The following RIMKLB variants were observed in gnomAD, a reference collection of about 807,000 sequenced individuals.
The protein encoded by RIMKLB is beta-citrylglutamate synthase B.
A neutral mutation model predicts 32.0 loss-of-function variants in RIMKLB; 7 were observed. The ratio of observed to expected loss-of-function variants is 0.22; its 90% confidence interval spans 0.12 to 0.41. RIMKLB has a LOEUF of 0.41. Ranked by LOEUF, RIMKLB falls within the 10% of genes least tolerant of loss-of-function variation. RIMKLB has a pLI of 1.00. For missense variants in RIMKLB, 289 were observed against 498.7 expected, an observed-to-expected ratio of 0.58 and a Z score of 4.00; for synonymous variants, 172 against 185.1, an observed-to-expected ratio of 0.93 and a Z score of 0.57.
chr12:8,749,794 A>T (rs1292267563), intron 2 of RIMKLB, 68 bp from the exon 3 acceptor site: 35 of 999,234 alleles, frequency 3.5e-5, no homozygotes, highest in Non-Finnish European at 4.7e-5. Context: ...ACTTTGGCGT[A>T]TTACTATTCC....
chr12:8,739,627 T>C (rs1285360202), intron 2 of RIMKLB, among the ~76,000 whole-genome samples: 1 of 152,184 alleles, frequency 6.6e-6, no homozygotes, highest in Non-Finnish European at 1.5e-5. Context: ...TATGCCATCA[T>C]GCTGGACTGA....
At chr12:8,748,550 G>GCA (rs1206077487) in intron 2 of RIMKLB, among the ~76,000 whole-genome samples, 6 of 109,760 alleles carry the variant, frequency 5.5e-5, no homozygotes, top group African/African-American at 1.5e-4. Flanking sequence ...GTGTGTGTGT[G>GCA]TGTGTGTGCA....
At chr12:8,725,858 T>C (rs1213868772) in intron 2 of RIMKLB, among the ~76,000 whole-genome samples, 4 of 152,208 alleles carry the variant, frequency 2.6e-5, no homozygotes, top group African/African-American at 9.7e-5. Context: ...TTGGTTCGTT[T>C]GTTTTTTGAG....
chr12:8,725,067 T>C (rs1287170606), intron 2 of RIMKLB, among the ~76,000 whole-genome samples: 1 of 152,216 alleles, frequency 6.6e-6, no homozygotes, highest in Non-Finnish European at 1.5e-5. Flanking sequence ...CTGTTGTTTC[T>C]GTGAGATGAC....
rs1268436546 is a variant in RIMKLB at position 8,774,914 on chromosome 12, CTT to C, written c.*1134_*1135del. On this transcript the variant is annotated 3_prime_UTR_variant, in exon 6 of 6. Coordinates refer to ENST00000535829, the MANE Select transcript of RIMKLB (RefSeq NM_001297776.2). Reference sequence around the variant, plus strand: ...CACGCATGCATGTGTATGTGTTTTGCTTTTTGTTTCCATCAACTAATCAAAAA... The same window carrying C: ...CACGCATGCATGTGTATGTGTTTTGCTTTGTTTCCATCAACTAATCAAAAA... The C allele has an allele frequency of 1.0e-6, 1 of 985,484 alleles. No individual in the cohort carries two copies. The highest frequency in any genetic ancestry group is 6.2e-5 in the Admixed American group (1 of 16,250). 61.0% of individuals were successfully genotyped at this position (985,484 alleles called of 1,614,324 possible). A position where few individuals can be genotyped will look rare whatever the true frequency, so the allele number is the denominator to read the frequency against.
At chr12:8,738,971 AC>A (rs1651985417) in intron 2 of RIMKLB, among the ~76,000 whole-genome samples, 1 of 152,228 alleles carries the variant, frequency 6.6e-6, no homozygotes. Context: ...GATCTACCAT[AC>A]AGCTTTGTCA....
chr12:8,746,347 C>T (rs1167807422), intron 2 of RIMKLB, among the ~76,000 whole-genome samples: 2 of 151,584 alleles, frequency 1.3e-5, no homozygotes, highest in African/African-American at 4.9e-5. Flanking sequence ...GCCTGTAATC[C>T]CAGCACTTTG....
At chr12:8,758,321 A>G (rs1004785347) in intron 5 of RIMKLB, among the ~76,000 whole-genome samples, 3 of 148,922 alleles carry the variant, frequency 2.0e-5, no homozygotes, top group Admixed American at 6.7e-5. Context: ...AAGTCTTGCT[A>G]TGTTACCCAG....
At chr12:8,680,751 A>G (rs1375640952), upstream of RIMKLB, among the ~76,000 whole-genome samples, 2 of 152,156 alleles carry the variant, frequency 1.3e-5, no homozygotes, top group Admixed American at 1.3e-4. Context: ...AGTTAAGATG[A>G]AAAGCGTCGC....
rs1950640412 is a variant in RIMKLB at position 8,774,944 on chromosome 12, A to G, written c.*1160A>G. On this transcript the variant is annotated 3_prime_UTR_variant, in exon 6 of 6. Transcript: ENST00000535829. ...TGTTTCCATCAACTAATCAAAAAGGATAATTTAGAAAATGGAGCATGATGG... is the reference window on the plus strand; with the variant it reads ...TGTTTCCATCAACTAATCAAAAAGGGTAATTTAGAAAATGGAGCATGATGG... The G allele has an allele frequency of 1.0e-6, 1 of 985,838 alleles. No individual in the cohort carries two copies. Among genetic ancestry groups the G allele is most frequent in the African/African-American group, 1.7e-5 (1 of 57,370 alleles). 61.1% of individuals were successfully genotyped at this position (985,838 alleles called of 1,614,324 possible).
intron 1 of RIMKLB, among the ~76,000 whole-genome samples, chr12:8,688,718 T>C (rs1942648595): frequency 6.6e-6 from 1 of 152,216 alleles, no homozygotes; most frequent in African/African-American, 2.4e-5. Context: ...CTTGTTGTTG[T>C]TAAAGGAGGG....
Position 8,754,307 on chromosome 12 carries a change from A to C in RIMKLB, c.697+214A>C, listed in dbSNP as rs760614733. Among the ~76,000 whole-genome samples the C allele has an allele frequency of 5.3e-5, 8 of 152,306 alleles. No homozygotes were observed. The South Asian group carries it at 1.7e-3, about 32-fold the overall frequency. On this transcript the variant is annotated intron_variant, in intron 5 of 5. Coordinates refer to ENST00000535829, the MANE Select transcript of RIMKLB (RefSeq NM_001297776.2). ...ATTCTGTTTCACTGAATCATATTAA[A>C]TCTGCCTTCACCCGTTCTCAATTTG...
intron 5 of RIMKLB, among the ~76,000 whole-genome samples, chr12:8,758,886 C>G (rs769209336): frequency 2.0e-5 from 3 of 152,210 alleles, no homozygotes; most frequent in South Asian, 2.1e-4. Context: ...TGTATGAATA[C>G]CAGTCTTTAT....
Position 8,776,305 on chromosome 12 carries a change from TAGATTTTAA to T in RIMKLB, c.*2523_*2531del, listed in dbSNP as rs1341314748. 85 of 972,332 alleles carry T rather than the reference TAGATTTTAA, an allele frequency of 8.7e-5. No individual in the cohort carries two copies. Among genetic ancestry groups the T allele is most frequent in the Admixed American group, 6.3e-4 (10 of 15,754 alleles). The allele number at this position is 972,332 out of a possible 1,614,324, so 60.2% of individuals were successfully genotyped here. ...AGAATGAAAAGAGCAGTAGTTATCT[TAGATTTTAA>T]AAACATGGATATCTTCTTGAATTCC... is the stretch of plus-strand genomic sequence containing the variant. On this transcript the variant is annotated 3_prime_UTR_variant, in exon 6 of 6. Coordinates refer to ENST00000535829, the MANE Select transcript of RIMKLB (RefSeq NM_001297776.2).
At chr12:8,716,279 A>C (rs1944819735) in intron 2 of RIMKLB, among the ~76,000 whole-genome samples, 1 of 152,114 alleles carries the variant, frequency 6.6e-6, no homozygotes, top group Admixed American at 6.5e-5. Context: ...CCTAGTGAAC[A>C]TTTTCACTTT....
rs1012189476 is a variant in RIMKLB at position 8,776,967 on chromosome 12, T to A, written c.*3183T>A. The A allele has an allele frequency of 1.0e-6, 1 of 985,844 alleles. No homozygotes were observed. The highest frequency in any genetic ancestry group is 1.2e-6 in the Non-Finnish European group (1 of 829,928). 61.1% of individuals were successfully genotyped at this position (985,844 alleles called of 1,614,324 possible). On this transcript the variant is annotated 3_prime_UTR_variant, in exon 6 of 6. Coordinates refer to ENST00000535829, the MANE Select transcript of RIMKLB (RefSeq NM_001297776.2). ...TGTGGGGCTTAGAGACATTGTGAAATCAAATCTTGTGTTATACTTTTCTCC... is the reference window on the plus strand; with the variant it reads ...TGTGGGGCTTAGAGACATTGTGAAAACAAATCTTGTGTTATACTTTTCTCC...
At chr12:8,748,552 G>GCATA (rs1254346155) in intron 2 of RIMKLB, among the ~76,000 whole-genome samples, 7 of 108,228 alleles carry the variant, frequency 6.5e-5, no homozygotes, top group South Asian at 3.3e-4. Flanking sequence ...GTGTGTGTGT[G>GCATA]TGTGTGCATA....
rs117170609 is a variant in RIMKLB, at chr12:8,774,657, G to A, written c.*873G>A. The A allele has an allele frequency of 2.9e-4, 289 of 983,928 alleles. 4 individuals carry two copies. In the East Asian group the frequency reaches 0.016, roughly 53 times the overall value. 60.9% of individuals were successfully genotyped at this position (983,928 alleles called of 1,614,324 possible). On this transcript the variant is annotated 3_prime_UTR_variant, in exon 6 of 6. Transcript: ENST00000535829. ...TAACAATGGCCAAAGTGAAGAAAAT[G>A]CTACCTTTTTTGTTAACAAGACACT...
Position 8,777,002 on chromosome 12 carries a change from T to G in RIMKLB, c.*3218T>G. 1 of 985,834 alleles carries G rather than the reference T, an allele frequency of 1.0e-6. No individual in the cohort carries two copies. The highest frequency in any genetic ancestry group is 1.2e-6 in the Non-Finnish European group (1 of 829,922). The allele number at this position is 985,834 out of a possible 1,614,324, so 61.1% of individuals were successfully genotyped here. On this transcript the variant is annotated 3_prime_UTR_variant, in exon 6 of 6. Coordinates refer to ENST00000535829, the MANE Select transcript of RIMKLB (RefSeq NM_001297776.2). ...TGTTATACTTTTCTCCTGGCTCACT[T>G]TTTTTGAGAAGGTTTATGGGCTATT...
Sources: gnomAD v4.1 joint callset for allele counts (sites outside exome capture counted in the v4.1 genomes callset) on GRCh38, gnomAD v4.1.1 for gene constraint, MANE v1.5 for transcripts, NCBI Gene and HGNC (gene_info 2026-07-23, HGNC 2026-07-21) for gene names.